Variants in TCF7L1 observed in about 807,000 individuals in gnomAD.
TCF7L1 encodes the protein transcription factor 7-like 1.
Under a neutral mutation model 63.7 loss-of-function variants are expected in TCF7L1, and 18 were observed. The ratio of observed to expected loss-of-function variants is 0.28; its 90% CI spans 0.20 to 0.42. TCF7L1 has a LOEUF of 0.42. TCF7L1 is among the 10% of genes least tolerant of loss of function. The pLI is 1.00. For missense variants in TCF7L1, 654 were observed against 779.3 expected, an observed-to-expected ratio of 0.84 and a Z score of 1.91; for synonymous variants, 355 against 340.9, an observed-to-expected ratio of 1.04 and a Z score of -0.46.
At chr2:85,186,365 C>G (rs1678922651) in intron 3 of TCF7L1, 1 of 152,198 alleles carries the variant, frequency 6.6e-6, no homozygotes, top group Admixed American at 6.5e-5. Context: ...GGGCGCCATC[C>G]AGAGTCAGCG....
At chr2:85,152,402 A>G (rs1206587740) in intron 3 of TCF7L1, among the ~76,000 whole-genome samples, 1 of 148,418 alleles carries the variant, frequency 6.7e-6, no homozygotes, top group African/African-American at 2.5e-5. Context: ...ATAAGCATTT[A>G]TTTGCTCTAA....
rs572375658 is a variant in TCF7L1 at position 85,189,391 on chromosome 2, A to G, written c.441+54941A>G. ...TCAGGAATGCTGCTTACAGATGTAC[A>G]TGATGGGCACATGGAGGCGCCCTTC... is the stretch of plus-strand genomic sequence containing the variant. On this transcript the variant is annotated intron_variant, in intron 3 of 11. Coordinates refer to ENST00000282111, the MANE Select transcript of TCF7L1 (RefSeq NM_031283.3). 1.1e-4 allele frequency among the ~76,000 whole-genome samples: 17 copies of G among 152,372 alleles called. No homozygotes were observed. The South Asian group carries it at 3.5e-3, about 32-fold the overall frequency.
chr2:85,228,899 C>T (rs1366304446), intron 3 of TCF7L1, among the ~76,000 whole-genome samples: 13 of 150,750 alleles, frequency 8.6e-5, no homozygotes, highest in Admixed American at 4.0e-4. Flanking sequence ...TGGGCGCCTG[C>T]AGTCCCAGCT....
rs538564749 is a variant in TCF7L1 at position 85,306,930 on chromosome 2, C to T, written c.1257+371C>T. 6.6e-6 allele frequency among the ~76,000 whole-genome samples: 1 copy of T among 152,332 alleles called. No individual in the cohort carries two copies. Among genetic ancestry groups the T allele is most frequent in the Non-Finnish European group, 1.5e-5 (1 of 68,044 alleles). Reference sequence around the variant, plus strand: ...CCGCCCACCTCGGCCTCCCAAAGCGCTGGGATTACAGGCGTGAGCCACCGC... The same window carrying T: ...CCGCCCACCTCGGCCTCCCAAAGCGTTGGGATTACAGGCGTGAGCCACCGC... On this transcript the variant is annotated intron_variant, in intron 10 of 11. Coordinates refer to ENST00000282111, the MANE Select transcript of TCF7L1 (RefSeq NM_031283.3). This position sits in a 1 kb window ranked among gnomAD's most constrained non-coding sequence, Gnocchi z 4.3.
intron 4 of TCF7L1, among the ~76,000 whole-genome samples, chr2:85,300,458 T>C (rs1681941805): frequency 6.6e-6 from 1 of 152,248 alleles, no homozygotes; most frequent in South Asian, 2.1e-4. Flanking sequence ...ACTTTTTAAA[T>C]TCATGATGCA....
chr2:85,307,113 G>A (rs879837187), intron 10 of TCF7L1, among the ~76,000 whole-genome samples: 17 of 152,088 alleles, frequency 1.1e-4, no homozygotes, highest in Admixed American at 3.3e-4. Flanking sequence ...CTCTGCCCTC[G>A]ATTTCATAAC....
chr2:85,185,818 A>G (rs1678906997), intron 3 of TCF7L1, among the ~76,000 whole-genome samples: 1 of 152,078 alleles, frequency 6.6e-6, no homozygotes, highest in Non-Finnish European at 1.5e-5. Context: ...GAGGGCCCTC[A>G]CTGTGCGGGT....
At chr2:85,172,178 A>G (rs1678560118) in intron 3 of TCF7L1, among the ~76,000 whole-genome samples, 1 of 152,190 alleles carries the variant, frequency 6.6e-6, no homozygotes, top group Non-Finnish European at 1.5e-5. Flanking sequence ...AGCCACGTCC[A>G]GCTTGGTATA....
chr2:85,285,917 C>T (rs1448517734), intron 4 of TCF7L1, among the ~76,000 whole-genome samples: 2 of 152,180 alleles, frequency 1.3e-5, no homozygotes, highest in African/African-American at 2.4e-5. Context: ...TGAGGCCGGG[C>T]GTGGTGGCTC....
At chr2:85,137,498 A>G (rs969919846) in intron 3 of TCF7L1, among the ~76,000 whole-genome samples, 1 of 152,230 alleles carries the variant, frequency 6.6e-6, no homozygotes, top group African/African-American at 2.4e-5. Context: ...ACTGCCACAA[A>G]CCATTTTTCA....
At chr2:85,257,899 G>A (rs569150722) in intron 3 of TCF7L1, among the ~76,000 whole-genome samples, 1 of 152,220 alleles carries the variant, frequency 6.6e-6, no homozygotes, top group African/African-American at 2.4e-5. Context: ...TCCATGATTC[G>A]GGATCAGGAA....
rs1293217145 is a variant in TCF7L1, at chr2:85,304,366, A to G, written c.845+28A>G. 5 of 1,607,770 alleles carry G rather than the reference A, an allele frequency of 3.1e-6. No homozygotes were observed. In the Admixed American group the frequency reaches 8.4e-5, roughly 27 times the overall value. On this transcript the variant is annotated intron_variant, in intron 7 of 11. Transcript: ENST00000282111. ...GAGTCCCGGGGCTGGGGCTGTCCGC[A>G]TGTTTGTCTTAGCAACCACGCCATT...
intron 3 of TCF7L1, among the ~76,000 whole-genome samples, chr2:85,256,581 G>A (rs72840024): frequency 6.6e-6 from 1 of 152,046 alleles, no homozygotes; most frequent in Non-Finnish European, 1.5e-5. Flanking sequence ...GGGAGGGGTC[G>A]GCTCACAGCT....
intron 3 of TCF7L1, among the ~76,000 whole-genome samples, chr2:85,240,239 C>T (rs144083620): frequency 6.6e-6 from 1 of 152,338 alleles, no homozygotes; most frequent in East Asian, 1.9e-4. Context: ...CCCTTTCCTC[C>T]TCTGCACAAT....
chr2:85,174,808 C>T (rs1574090894), intron 3 of TCF7L1, among the ~76,000 whole-genome samples: 1 of 152,332 alleles, frequency 6.6e-6, no homozygotes, highest in Non-Finnish European at 1.5e-5. Flanking sequence ...CACACTTGGG[C>T]CCTGCTGGGG....
chr2:85,148,888 C>A (rs1041179397), intron 3 of TCF7L1, among the ~76,000 whole-genome samples: 3 of 150,728 alleles, frequency 2.0e-5, no homozygotes, highest in African/African-American at 7.3e-5. Flanking sequence ...GATTCTCTCT[C>A]CTGCCTCAGC....
intron 3 of TCF7L1, among the ~76,000 whole-genome samples, chr2:85,278,177 C>A (rs2104363151): frequency 6.6e-6 from 1 of 152,330 alleles, no homozygotes; most frequent in East Asian, 1.9e-4. Context: ...TCTCTAGTGA[C>A]AGCATCCTTC....
At chr2:85,287,621 T>C (rs555337096) in intron 4 of TCF7L1, among the ~76,000 whole-genome samples, 1 of 152,326 alleles carries the variant, frequency 6.6e-6, no homozygotes, top group Non-Finnish European at 1.5e-5. Context: ...AAATTTTATA[T>C]TACCGTAGTC....
At chr2:85,245,952 G>A (rs1405003753) in intron 3 of TCF7L1, among the ~76,000 whole-genome samples, 5 of 152,060 alleles carry the variant, frequency 3.3e-5, no homozygotes, top group South Asian at 2.1e-4. Context: ...TTGGTCACCC[G>A]GTGACTGACC....
Sources: allele counts gnomAD v4.1 joint callset (sites outside exome capture counted in the v4.1 genomes callset), GRCh38; gene constraint gnomAD v4.1.1; non-coding constraint Gnocchi (gnomAD v3.1); transcripts MANE v1.5; gene names NCBI Gene and HGNC (gene_info 2026-07-23, HGNC 2026-07-21).